The following LTO1 variants were observed in gnomAD, a reference collection of about 807,000 sequenced individuals.
LTO1 encodes the protein protein LTO1 homolog.
Under a neutral mutation model 19.8 loss-of-function variants are expected in LTO1, and 18 were observed. That is an observed-to-expected ratio of 0.91 (90% CI 0.63 to 1.35). LTO1 has a LOEUF of 1.35. LTO1 is among the 40% of genes most tolerant of loss of function. LTO1 has a pLI of 0.00. For synonymous variants in LTO1, 59 were observed against 59.6 expected (o/e 0.99, Z 0.05); for missense variants, 175 against 167.9 (o/e 1.04, Z -0.23).
chr11:69,667,772 C>T (rs927383563), intron 4 of LTO1, 123 bp downstream of exon 4: 15 of 725,222 alleles, frequency 2.1e-5, no homozygotes, highest in African/African-American at 7.0e-5. Flanking sequence ...GGCGCCTCTA[C>T]GGACAGTTCC....
intron 1 of LTO1, chr11:69,674,934 G>T: frequency 1.5e-6 from 1 of 687,928 alleles, no homozygotes; most frequent in Non-Finnish European, 2.7e-6. Flanking sequence ...AGGCTGAGCA[G>T]ATGTTTGGGG....
intron 1 of LTO1, 34 bp downstream of exon 1, chr11:69,675,156 C>T (rs1310833693): frequency 1.9e-6 from 3 of 1,588,510 alleles, no homozygotes; most frequent in Non-Finnish European, 2.6e-6. Context: ...GACGACCAGA[C>T]AGGGCGGGGT....
In LTO1 at chr11:69,671,785, T is replaced by C. The variant is rs1279912126; in HGVS notation, c.191A>G (p.Lys64Arg). ...AGTGGTGCAACTGTGCAGTAGACATTTCCATGCAAAAGCAAAACCTTGGTA... is the reference window on the plus strand; with the variant it reads ...AGTGGTGCAACTGTGCAGTAGACATCTCCATGCAAAAGCAAAACCTTGGTA... The part of the protein sequence containing the change: ...GCYQGFAFAW[K>R]CLLHSCTTEK... Residue 64 changes from lysine to arginine, a missense_variant, in exon 3 of 5, where the codon AAA (lysine) becomes AGA (arginine). Transcript: ENST00000279147. The C allele has an allele frequency of 6.2e-7, 1 of 1,605,852 alleles. No homozygotes were observed. Among genetic ancestry groups the C allele is most frequent in the East Asian group, 2.2e-5 (1 of 44,834 alleles).
rs1856048292 is a variant in LTO1 at position 69,667,430 on chromosome 11, C to G, written c.*89G>C. On this transcript the variant is annotated 3_prime_UTR_variant, in exon 5 of 5. Coordinates refer to ENST00000279147, the MANE Select transcript of LTO1 (RefSeq NM_153451.3). ...CACCCTCCCAATGAACAACTGCCTTCCCAGCACCGTCTGGCCCTTCACCGC... is the reference window on the plus strand; with the variant it reads ...CACCCTCCCAATGAACAACTGCCTTGCCAGCACCGTCTGGCCCTTCACCGC... 1.1e-6 allele frequency: 1 copy of G among 897,868 alleles called. No homozygotes were observed. The highest frequency in any genetic ancestry group is 1.4e-5 in the South Asian group (1 of 73,366). 55.6% of individuals were successfully genotyped at this position (897,868 alleles called of 1,614,324 possible).
At chr11:69,669,568 C>G (rs1189836452) in intron 3 of LTO1, among the ~76,000 whole-genome samples, 2 of 152,202 alleles carry the variant, frequency 1.3e-5, no homozygotes, top group Non-Finnish European at 2.9e-5. Flanking sequence ...GTATGCTAAC[C>G]CGATGCAGAG....
At position 69,673,311 on chromosome 11, in the gene LTO1, C is replaced by A; in HGVS notation, c.61G>T (p.Glu21Ter). ...TCTTCATAGCCTTCCCGATACCCTT[C>A]CCCATGAAACCTGTGAAGAAGAAGC... ...IVMADERFHG[E>*]GYREGYEEGS... Residue 21 changes from glutamate (E) to a stop codon, truncating the protein, a stop_gained, in exon 2 of 5, where the codon GAA becomes TAA. Transcript: ENST00000279147. LOFTEE classifies it high-confidence loss of function. 6.2e-7 allele frequency: 1 copy of A among 1,601,834 alleles called. No homozygotes were observed. Among genetic ancestry groups the A allele is most frequent in the African/African-American group, 1.3e-5 (1 of 74,812 alleles).
At position 69,667,564 on chromosome 11, in the gene LTO1, C is replaced by G; in HGVS notation, c.369G>C (p.Gln123His). 6.2e-7 allele frequency: 1 copy of G among 1,611,392 alleles called. No individual in the cohort carries two copies. Among genetic ancestry groups the G allele is most frequent in the Non-Finnish European group, 8.5e-7 (1 of 1,177,496 alleles). ...FKQFCSLLNVQPDFKISAEGS... is the reference protein window; with the variant it reads ...FKQFCSLLNVHPDFKISAEGS... ...CTTCTGCACTAATTTTAAAGTCTGG[C>G]TGAACATTGAGTAACGAACAAAACT... The change falls in exon 5 of 5, where the codon CAG (glutamine) becomes CAC (histidine). Residue 123 changes from glutamine to histidine, a missense_variant. Coordinates refer to ENST00000279147, the MANE Select transcript of LTO1 (RefSeq NM_153451.3).
Position 69,675,338 on chromosome 11 carries a change from G to A in LTO1, c.-99C>T. The A allele has an allele frequency of 1.0e-6, 1 of 1,004,868 alleles. No individual in the cohort carries two copies. The highest frequency in any genetic ancestry group is 2.9e-5 in the East Asian group (1 of 34,404). The allele number at this position is 1,004,868 out of a possible 1,614,324, so 62.2% of individuals were successfully genotyped here. ...GGCACAAATGCTCCGCTTGGGAGGAGACGAGACCCACTTCCGGAAGCGGCG... is the reference window on the plus strand; with the variant it reads ...GGCACAAATGCTCCGCTTGGGAGGAAACGAGACCCACTTCCGGAAGCGGCG... On this transcript the variant is annotated 5_prime_UTR_variant, in exon 1 of 5. Coordinates refer to ENST00000279147, the MANE Select transcript of LTO1 (RefSeq NM_153451.3).
intron 3 of LTO1, among the ~76,000 whole-genome samples, chr11:69,668,787 G>A (rs1235534341): frequency 6.6e-6 from 1 of 151,916 alleles, no homozygotes; most frequent in Admixed American, 6.6e-5. Context: ...CAGCACTTTG[G>A]GAGGCCGAGG....
At position 69,666,571 on chromosome 11, in the gene LTO1, G is replaced by A. The variant is rs1288092060; in HGVS notation, c.*948C>T. 6.6e-6 allele frequency: 1 copy of A among 152,270 alleles called. No individual in the cohort carries two copies. The highest frequency in any genetic ancestry group is 2.4e-5 in the African/African-American group (1 of 41,460). 9.4% of individuals were successfully genotyped at this position (152,270 alleles called of 1,614,324 possible). On this transcript the variant is annotated 3_prime_UTR_variant, in exon 5 of 5. Coordinates refer to ENST00000279147, the MANE Select transcript of LTO1 (RefSeq NM_153451.3). The stretch of plus-strand genomic sequence containing the variant: ...CAGAGACAAAAGAGCTCCTAGGAGA[G>A]GGGAGAATGCAGGAGGCTATACGCA...
Position 69,673,266 on chromosome 11 carries a change from TC to T in LTO1, c.105del (p.Met36TrpfsTer44). ...AGCGTGCCATGCTGCCTTCCCTCCA[TC>T]ACACCCAAACTACTGCCTTCTTCAT... ...EGYEEGSSLG[V>X]MEGRQHGTLH... On this transcript the variant is annotated frameshift_variant, in exon 2 of 5. Transcript: ENST00000279147. LOFTEE classifies it high-confidence loss of function. The T allele has an allele frequency of 6.2e-7, 1 of 1,613,874 alleles. No homozygotes were observed. Among genetic ancestry groups the T allele is most frequent in the East Asian group, 2.2e-5 (1 of 44,884 alleles).
At position 69,667,157 on chromosome 11, in the gene LTO1, T is replaced by C. The variant is rs1856044092; in HGVS notation, c.*362A>G. 4.6e-6 allele frequency: 1 copy of C among 216,186 alleles called. No homozygotes were observed. Among genetic ancestry groups the C allele is most frequent in the Non-Finnish European group, 9.0e-6 (1 of 110,824 alleles). The allele number at this position is 216,186 out of a possible 1,614,324, so 13.4% of individuals were successfully genotyped here. ...CAACCATCTCTCTCATTGCAAATAATAATAATAATAAAAATAACTGCCTTC... is the reference window on the plus strand; with the variant it reads ...CAACCATCTCTCTCATTGCAAATAACAATAATAATAAAAATAACTGCCTTC... On this transcript the variant is annotated 3_prime_UTR_variant, in exon 5 of 5. Coordinates refer to ENST00000279147, the MANE Select transcript of LTO1 (RefSeq NM_153451.3).
chr11:69,667,223 A>C lies in LTO1; in HGVS notation c.*296T>G. 2.4e-6 allele frequency: 1 copy of C among 425,238 alleles called. No individual in the cohort carries two copies. Among genetic ancestry groups the C allele is most frequent in the Non-Finnish European group, 4.2e-6 (1 of 239,578 alleles). 26.3% of individuals were successfully genotyped at this position (425,238 alleles called of 1,614,324 possible). A position where few individuals can be genotyped will look rare whatever the true frequency, so the allele number is the denominator to read the frequency against. ...ACTGACCCTATCCAGAGCCAACTCC[A>C]ACCCAGAACCAGCTAGGCCTGTGCT... is the stretch of plus-strand genomic sequence containing the variant. On this transcript the variant is annotated 3_prime_UTR_variant, in exon 5 of 5. Transcript: ENST00000279147.
Position 69,675,340 on chromosome 11 carries a change from C to A in LTO1, c.-101G>T. 1 of 984,938 alleles carries A rather than the reference C, an allele frequency of 1.0e-6. No individual in the cohort carries two copies. Among genetic ancestry groups the A allele is most frequent in the African/African-American group, 1.7e-5 (1 of 58,166 alleles). The allele number at this position is 984,938 out of a possible 1,614,324, so 61.0% of individuals were successfully genotyped here. A position where few individuals can be genotyped will look rare whatever the true frequency, so the allele number is the denominator to read the frequency against. Reference sequence around the variant, plus strand: ...CACAAATGCTCCGCTTGGGAGGAGACGAGACCCACTTCCGGAAGCGGCGGC... The same window carrying A: ...CACAAATGCTCCGCTTGGGAGGAGAAGAGACCCACTTCCGGAAGCGGCGGC... On this transcript the variant is annotated 5_prime_UTR_variant, in exon 1 of 5. Transcript: ENST00000279147.
At chr11:69,675,084 C>T (rs1418460423) in intron 1 of LTO1, 106 bp downstream of exon 1, 3 of 1,022,682 alleles carry the variant, frequency 2.9e-6, no homozygotes, top group Non-Finnish European at 4.5e-6. Flanking sequence ...AATGCGCACG[C>T]CCAAGGGACG....
In LTO1 at chr11:69,675,328, C is replaced by A; in HGVS notation, c.-89G>T. On this transcript the variant is annotated 5_prime_UTR_variant, in exon 1 of 5. Coordinates refer to ENST00000279147, the MANE Select transcript of LTO1 (RefSeq NM_153451.3). ...GGCAGCTTCAGGCACAAATGCTCCG[C>A]TTGGGAGGAGACGAGACCCACTTCC... 9.0e-7 allele frequency: 1 copy of A among 1,115,844 alleles called. No homozygotes were observed. The highest frequency in any genetic ancestry group is 1.7e-5 in the South Asian group (1 of 57,394). 69.1% of individuals were successfully genotyped at this position (1,115,844 alleles called of 1,614,324 possible). A position where few individuals can be genotyped will look rare whatever the true frequency, so the allele number is the denominator to read the frequency against.
At chr11:69,675,100 C>T (rs1366165282) in intron 1 of LTO1, 90 bp downstream of exon 1, 1 of 1,216,498 alleles carries the variant, frequency 8.2e-7, no homozygotes, top group Non-Finnish European at 1.2e-6. Context: ...GGACGCCAGG[C>T]TCCAGCAGCC....
At chr11:69,668,089 C>A in intron 3 of LTO1, 77 bp from the exon 4 acceptor site, 1 of 734,114 alleles carries the variant, frequency 1.4e-6, no homozygotes, top group South Asian at 1.6e-5. Context: ...ATGCTGCTGG[C>A]TTCCTGAAAC....
At chr11:69,667,827 T>A (rs759934622) in intron 4 of LTO1, 68 bp downstream of exon 4, 5 of 880,530 alleles carry the variant, frequency 5.7e-6, no homozygotes, top group African/African-American at 1.6e-5. Flanking sequence ...GCCCCGGGAG[T>A]GCGCTGCCCC....
Sources: gnomAD v4.1 joint callset for allele counts (sites outside exome capture counted in the v4.1 genomes callset) on GRCh38, gnomAD v4.1.1 for gene constraint, MANE v1.5 for transcripts, NCBI Gene and HGNC (gene_info 2026-07-23, HGNC 2026-07-21) for gene names.